PATJ: variants seen among roughly 807,000 people sequenced by gnomAD.
The protein encoded by PATJ is inaD-like protein.
Under a neutral mutation model 224.9 loss-of-function variants are expected in PATJ, and 190 were observed. That is an observed-to-expected ratio of 0.84 (90% CI 0.75 to 0.95). The LOEUF is 0.95. PATJ is among the 40% of genes least tolerant of loss of function. PATJ has a pLI of 0.00. For synonymous variants in PATJ, 769 were observed against 820.3 expected (o/e 0.94, Z 1.07); for missense variants, 2,121 against 2,270.3 (o/e 0.93, Z 1.34).
At chr1:62,135,183 G>T (rs114468113) in intron 41 of PATJ, among the ~76,000 whole-genome samples, 1 of 152,072 alleles carries the variant, frequency 6.6e-6, no homozygotes, top group African/African-American at 2.4e-5. Flanking sequence ...TGCAGCCAGG[G>T]GTAAGAAAAG....
intron 29 of PATJ, among the ~76,000 whole-genome samples, chr1:62,031,945 G>A (rs1558067628): frequency 6.6e-6 from 1 of 152,152 alleles, no homozygotes; most frequent in African/African-American, 2.4e-5. Context: ...TATTTCCGGT[G>A]ACCATGTTTT....
intron 22 of PATJ, among the ~76,000 whole-genome samples, chr1:61,896,309 A>AAT (rs35115230): frequency 6.6e-6 from 1 of 150,812 alleles, no homozygotes; most frequent in Non-Finnish European, 1.5e-5. Flanking sequence ...AAAAAAAAAA[A>AAT]TTTAATGACT....
Position 61,861,284 on chromosome 1 carries a change from C to CTTTTTTTTTTTTTTTTTTTTTTTTT in PATJ, c.2323-244_2323-243insTTTTTTTTTTTTTTTTTTTTTTTTT. 5.1e-4 allele frequency among the ~76,000 whole-genome samples: 25 copies of CTTTTTTTTTTTTTTTTTTTTTTTTT among 48,870 alleles called. 5 individuals carry two copies. Among genetic ancestry groups the CTTTTTTTTTTTTTTTTTTTTTTTTT allele is most frequent in the Non-Finnish European group, 8.8e-4 (21 of 23,760 alleles). 32.1% of individuals were successfully genotyped at this position (48,870 alleles called of 152,430 possible). A position where few individuals can be genotyped will look rare whatever the true frequency, so the allele number is the denominator to read the frequency against. On this transcript the variant is annotated intron_variant, in intron 18 of 43. Coordinates refer to ENST00000642238, the MANE Select transcript of PATJ (RefSeq NM_001350145.3). The stretch of plus-strand genomic sequence containing the variant: ...TGAAACCAGGATATTTTCTTTCTTT[C>CTTTTTTTTTTTTTTTTTTTTTTTTT]TTTTTTTTTTTTTTTTTTTTTTTAC...
At chr1:61,966,374 G>A (rs12724144) in intron 27 of PATJ, among the ~76,000 whole-genome samples, 22,344 of 152,062 alleles carry the variant, frequency 0.15, 2,128 homozygotes, top group Non-Finnish European at 0.21. Context: ...GCGCCAAGGC[G>A]AGTCCATAGA....
intron 26 of PATJ, among the ~76,000 whole-genome samples, chr1:61,916,321 T>C (rs1673453730): frequency 6.6e-6 from 1 of 152,152 alleles, no homozygotes; most frequent in Admixed American, 6.5e-5. Flanking sequence ...TGTGTATATA[T>C]GATATTTTTA....
intron 6 of PATJ, among the ~76,000 whole-genome samples, chr1:61,772,870 G>A (rs1646696336): frequency 6.6e-6 from 1 of 152,146 alleles, no homozygotes; most frequent in South Asian, 2.1e-4. Context: ...TGAATGAGAA[G>A]GCACGTGAAG....
chr1:61,882,486 C>A (rs969735081), intron 21 of PATJ, among the ~76,000 whole-genome samples: 1 of 152,174 alleles, frequency 6.6e-6, no homozygotes, highest in Admixed American at 6.6e-5. Context: ...GGTTTATAGT[C>A]TTCCAAATTT....
chr1:62,118,714 T>G (rs1205074888), intron 37 of PATJ, among the ~76,000 whole-genome samples: 1 of 152,060 alleles, frequency 6.6e-6, no homozygotes, highest in Non-Finnish European at 1.5e-5. Flanking sequence ...ACTGTAATCT[T>G]CGCCTCCCGG....
intron 22 of PATJ, among the ~76,000 whole-genome samples, chr1:61,898,872 G>T (rs934416091): frequency 6.6e-6 from 1 of 152,060 alleles, no homozygotes; most frequent in Admixed American, 6.5e-5. Context: ...TTGCACTCTT[G>T]ACCTTCCAGG....
chr1:61,771,928 G>A (rs980865506), intron 6 of PATJ, among the ~76,000 whole-genome samples: 2 of 151,762 alleles, frequency 1.3e-5, no homozygotes, highest in African/African-American at 4.8e-5. Context: ...CATCATTTTG[G>A]CCAGGCTGGT....
chr1:61,800,486 A>C (rs1184045977), intron 11 of PATJ, among the ~76,000 whole-genome samples: 1 of 152,190 alleles, frequency 6.6e-6, no homozygotes, highest in Non-Finnish European at 1.5e-5. Flanking sequence ...TTAGTTGTTC[A>C]TTGGAGACAT....
Position 62,117,133 on chromosome 1 carries a change from G to C in PATJ, c.4805G>C (p.Cys1602Ser), listed in dbSNP as rs755169417. 2 of 1,612,266 alleles carry C rather than the reference G, an allele frequency of 1.2e-6. No homozygotes were observed. The highest frequency in any genetic ancestry group is 1.7e-6 in the Non-Finnish European group (2 of 1,178,572). Reference sequence around the variant, plus strand: ...CTGTTCTTTTCTTGCCTTTCCAAGTGTGCACAGGGACTTGTGCAGCTAGAG... The same window carrying C: ...CTGTTCTTTTCTTGCCTTTCCAAGTCTGCACAGGGACTTGTGCAGCTAGAG... ...SQETVATILK[C>S]AQGLVQLEIG... Residue 1602 changes from cysteine (C) to serine (S), a missense_variant and splice_region_variant, in exon 37 of 44, where the codon TGT (cysteine) becomes TCT (serine). By Grantham distance (112) the Cys-to-Ser change is moderately radical. Coordinates refer to ENST00000642238, the MANE Select transcript of PATJ (RefSeq NM_001350145.3).
At chr1:61,811,827 C>G (rs1041301923) in intron 14 of PATJ, among the ~76,000 whole-genome samples, 4 of 150,956 alleles carry the variant, frequency 2.6e-5, no homozygotes, top group African/African-American at 4.9e-5. Flanking sequence ...TTTGGGATGC[C>G]GAGGTGGGTG....
In PATJ at chr1:62,106,093, C is replaced by T. The variant is rs1204080102; in HGVS notation, c.4378-2344C>T. On this transcript the variant is annotated intron_variant, in intron 33 of 43. Transcript: ENST00000642238. Reference sequence around the variant, plus strand: ...ATATATATATATACACACACACACACACACACACACACACACACACACACA... The same window carrying T: ...ATATATATATATACACACACACACATACACACACACACACACACACACACA... Among the ~76,000 whole-genome samples the T allele has an allele frequency of 1.3e-3, 93 of 71,930 alleles. 3 individuals carry two copies. In the East Asian group the frequency reaches 0.054, roughly 42 times the overall value. The allele number at this position is 71,930 out of a possible 152,430, so 47.2% of individuals were successfully genotyped here.
At chr1:61,913,957 C>T (rs868550572) in intron 25 of PATJ, among the ~76,000 whole-genome samples, 3 of 152,122 alleles carry the variant, frequency 2.0e-5, no homozygotes, top group Non-Finnish European at 4.4e-5. Flanking sequence ...TAGTCTTTTT[C>T]GTCTTCAGCT....
intron 4 of PATJ, among the ~76,000 whole-genome samples, chr1:61,768,395 A>G (rs914631292): frequency 2.0e-5 from 3 of 151,910 alleles, no homozygotes; most frequent in South Asian, 2.1e-4. Context: ...GCGTGAACCC[A>G]GGAGGCGGAG....
chr1:62,158,153 C>T (rs772537243), intron 43 of PATJ, among the ~76,000 whole-genome samples: 1 of 149,504 alleles, frequency 6.7e-6, no homozygotes, highest in Non-Finnish European at 1.5e-5. Flanking sequence ...GGACAAATAG[C>T]AAGTGAGTAA....
chr1:62,144,771 A>ACATATATATATATATATATAT (rs1439255158), intron 41 of PATJ, among the ~76,000 whole-genome samples: 1 of 73,342 alleles, frequency 1.4e-5, no homozygotes, highest in African/African-American at 5.2e-5. Context: ...ATTTGCAAAA[A>ACATATATATATATATATATAT]AAAAAAATAT....
chr1:61,997,997 T>TATATAA (rs1228165601), intron 28 of PATJ, among the ~76,000 whole-genome samples: 4 of 110,980 alleles, frequency 3.6e-5, no homozygotes, highest in Admixed American at 2.0e-4. Flanking sequence ...TATGTATATA[T>TATATAA]AATATATTAT....
Sources: gnomAD v4.1 joint callset for allele counts (sites outside exome capture counted in the v4.1 genomes callset) on GRCh38, gnomAD v4.1.1 for gene constraint, MANE v1.5 for transcripts, NCBI Gene and HGNC (gene_info 2026-07-23, HGNC 2026-07-21) for gene names.